Variants in MAP4K5 observed in about 807,000 individuals in gnomAD.
MAP4K5 encodes the protein mitogen-activated protein kinase kinase kinase kinase 5.
In MAP4K5, 82 loss-of-function variants were observed where a neutral mutation model predicts 135.6. That is an observed-to-expected ratio of 0.60 (90% confidence interval 0.51 to 0.73). The LOEUF is 0.73. Among genes scored for constraint, MAP4K5 ranks in the 30% least tolerant of loss-of-function variants. The pLI, the probability that MAP4K5 is intolerant of heterozygous loss-of-function variation, is 0.00. For synonymous variants in MAP4K5, 347 were observed against 335.0 expected (o/e 1.04, Z -0.39); for missense variants, 907 against 1,010.9 (o/e 0.90, Z 1.39).
chr14:50,480,714 A>G (rs2037220018), intron 6 of MAP4K5, among the ~76,000 whole-genome samples: 1 of 152,188 alleles, frequency 6.6e-6, no homozygotes, highest in African/African-American at 2.4e-5. Flanking sequence ...TTGTTGTGCA[A>G]GTATCACAGA....
At chr14:50,490,946 C>CAGGTTG (rs2037470398) in intron 3 of MAP4K5, among the ~76,000 whole-genome samples, 1 of 152,174 alleles carries the variant, frequency 6.6e-6, no homozygotes, top group African/African-American at 2.4e-5. Context: ...ATACTATCTG[C>CAGGTTG]AGGTTGACAT....
chr14:50,550,149 G>A (rs2038683661), intron 1 of MAP4K5, among the ~76,000 whole-genome samples: 2 of 152,186 alleles, frequency 1.3e-5, no homozygotes, highest in South Asian at 4.1e-4. Context: ...CAGCAGCACT[G>A]ATGCCTGCTG....
At chr14:50,503,188 T>C (rs1038851420) in intron 3 of MAP4K5, among the ~76,000 whole-genome samples, 4 of 151,718 alleles carry the variant, frequency 2.6e-5, no homozygotes, top group African/African-American at 9.7e-5. Context: ...GCAAACAGCA[T>C]CTAAAAATCA....
chr14:50,422,091 C>A (rs895951782), intron 32 of MAP4K5, among the ~76,000 whole-genome samples: 2 of 152,112 alleles, frequency 1.3e-5, no homozygotes, highest in African/African-American at 2.4e-5. Context: ...AGCTGATTCA[C>A]CTGCCTCGGC....
intron 6 of MAP4K5, among the ~76,000 whole-genome samples, chr14:50,479,184 CTCT>C (rs1035660090): frequency 2.0e-4 from 4 of 20,362 alleles, no homozygotes; most frequent in East Asian, 0.019. Flanking sequence ...TTCATTCTCT[CTCT>C]TTTTTTTTTT....
In MAP4K5 at chr14:50,468,490, G is replaced by A. The variant is rs1027315367; in HGVS notation, c.674+161C>T. The A allele has an allele frequency of 6.3e-6, 4 of 634,348 alleles. No individual in the cohort carries two copies. In the South Asian group the frequency reaches 7.4e-5, roughly 12 times the overall value. 39.3% of individuals were successfully genotyped at this position (634,348 alleles called of 1,614,324 possible). A position where few individuals can be genotyped will look rare whatever the true frequency, so the allele number is the denominator to read the frequency against. On this transcript the variant is annotated intron_variant, in intron 10 of 32. Transcript: ENST00000682126. ...AAAATGAATTGAGGTAACTACCTTC[G>A]GACTAGCCCACAATAGGTTTTGGAT...
chr14:50,487,922 C>G (rs549016317), intron 3 of MAP4K5, among the ~76,000 whole-genome samples: 1 of 152,070 alleles, frequency 6.6e-6, no homozygotes, highest in Non-Finnish European at 1.5e-5. Context: ...TAAATTCTAG[C>G]CCATCTTTCA....
chr14:50,545,030 C>T (rs114008439), intron 1 of MAP4K5, among the ~76,000 whole-genome samples: 2,141 of 151,532 alleles, frequency 0.014, 41 homozygotes, highest in African/African-American at 0.049. Flanking sequence ...TGCTTGAACT[C>T]GGAAGGCCAG....
intron 3 of MAP4K5, among the ~76,000 whole-genome samples, chr14:50,493,163 G>A (rs1486213002): frequency 1.3e-5 from 2 of 152,056 alleles, no homozygotes; most frequent in African/African-American, 4.8e-5. Context: ...GCAGGGACAC[G>A]ATCATTGCTC....
chr14:50,446,546 T>C (rs1434232852), intron 16 of MAP4K5, among the ~76,000 whole-genome samples: 1 of 152,214 alleles, frequency 6.6e-6, no homozygotes, highest in Non-Finnish European at 1.5e-5. Flanking sequence ...CACAGAATCT[T>C]CCTTTTAATA....
upstream of MAP4K5, chr14:50,533,027 G>C (rs1342241085): frequency 6.6e-6 from 1 of 152,544 alleles, no homozygotes; most frequent in Non-Finnish European, 1.5e-5. Context: ...GGTTAACTAA[G>C]TCCCGGCACA....
intron 1 of MAP4K5, among the ~76,000 whole-genome samples, chr14:50,548,124 C>T (rs959546484): frequency 6.6e-6 from 1 of 152,160 alleles, no homozygotes; most frequent in African/African-American, 2.4e-5. Flanking sequence ...GCCCAAATTC[C>T]TGGGAGTTAC....
chr14:50,446,151 G>A (rs2139727885), intron 16 of MAP4K5, 30 bp from the exon 17 acceptor site: 1 of 1,443,198 alleles, frequency 6.9e-7, no homozygotes, highest in Non-Finnish European at 9.5e-7. Flanking sequence ...CAATTTAGAT[G>A]ATGATAAATG....
chr14:50,461,526 C>T (rs2036711070), intron 13 of MAP4K5, among the ~76,000 whole-genome samples: 1 of 151,968 alleles, frequency 6.6e-6, no homozygotes, highest in African/African-American at 2.4e-5. Flanking sequence ...GAGAAAGAGA[C>T]TGGTGAAAAA....
chr14:50,511,279 T>C (rs2037924450), intron 2 of MAP4K5, among the ~76,000 whole-genome samples: 2 of 152,186 alleles, frequency 1.3e-5, no homozygotes, highest in Admixed American at 1.3e-4. Context: ...ATGGAGGATA[T>C]TCTGTTAAGT....
chr14:50,496,290 C>G (rs2037591625), intron 3 of MAP4K5, among the ~76,000 whole-genome samples: 1 of 151,952 alleles, frequency 6.6e-6, no homozygotes, highest in African/African-American at 2.4e-5. Context: ...TGTGCCATTG[C>G]ACTCCACCCG....
At chr14:50,478,882 T>C (rs575049761) in intron 6 of MAP4K5, among the ~76,000 whole-genome samples, 61 of 152,282 alleles carry the variant, frequency 4.0e-4, no homozygotes, top group Middle Eastern at 3.4e-3. Context: ...TTCTCACTTA[T>C]TTCTAACAAT....
rs2035665641 is a variant in MAP4K5 at position 50,419,046 on chromosome 14, T to G, written c.*973A>C. On this transcript the variant is annotated 3_prime_UTR_variant, in exon 33 of 33. Coordinates refer to ENST00000682126, the MANE Select transcript of MAP4K5 (RefSeq NM_006575.6). ...GAAAAACCCAAGATTACATGTGTAA[T>G]TACTTTATAGTTTCCTCTCTGGCAT... 1 of 152,114 alleles carries G rather than the reference T, an allele frequency of 6.6e-6. No homozygotes were observed. Among genetic ancestry groups the G allele is most frequent in the Non-Finnish European group, 1.5e-5 (1 of 67,970 alleles). 9.4% of individuals were successfully genotyped at this position (152,114 alleles called of 1,614,324 possible).
intron 1 of MAP4K5, among the ~76,000 whole-genome samples, chr14:50,543,093 T>G (rs891387716): frequency 1.3e-5 from 2 of 152,216 alleles, no homozygotes; most frequent in African/African-American, 4.8e-5. Flanking sequence ...TACAAGAAGA[T>G]CTGTTCTCCA....
Sources: allele counts gnomAD v4.1 joint callset (sites outside exome capture counted in the v4.1 genomes callset), GRCh38; gene constraint gnomAD v4.1.1; transcripts MANE v1.5; gene names NCBI Gene and HGNC (gene_info 2026-07-23, HGNC 2026-07-21).